CRYBG3: variants seen among roughly 807,000 people sequenced by gnomAD.
CRYBG3 encodes crystallin beta-gamma domain containing 3.
A neutral mutation model predicts 244.2 loss-of-function variants in CRYBG3; 127 were observed. That is an observed-to-expected ratio of 0.52 (90% confidence interval 0.45 to 0.60). The LOEUF is 0.60. Among genes scored for constraint, CRYBG3 ranks in the 20% least tolerant of loss-of-function variants. The pLI, the probability that CRYBG3 is intolerant of heterozygous loss-of-function variation, is 0.00. For synonymous variants in CRYBG3, 1,132 were observed against 1,195.8 expected (o/e 0.95, Z 1.10); for missense variants, 3,325 against 3,442.5 (o/e 0.97, Z 0.85).
At chr3:97,869,401 A>G (rs1268621310) in intron 3 of CRYBG3, among the ~76,000 whole-genome samples, 1 of 152,146 alleles carries the variant, frequency 6.6e-6, no homozygotes, top group Non-Finnish European at 1.5e-5. Context: ...TCCATATTGC[A>G]TGTAACAATA....
chr3:97,874,273 A>T lies in CRYBG3; in HGVS notation c.3079A>T (p.Ser1027Cys), dbSNP rs2108216083. ...AAATTCTTCTGCATCTGAGGACTCA[A>T]GCTTCCTTAAAGTACCTTCTGTGCT... ...EKNSSASEDS[S>C]FLKVPSVLKL... is the part of the protein sequence containing the mutation. Residue 1027 changes from serine to cysteine, a missense_variant, in exon 4 of 22, where the codon AGC (serine) becomes TGC (cysteine). Coordinates refer to ENST00000389622, the MANE Select transcript of CRYBG3 (RefSeq NM_153605.4). The T allele has an allele frequency of 1.3e-6, 2 of 1,534,884 alleles. No individual in the cohort carries two copies. The highest frequency in any genetic ancestry group is 1.7e-4 in the Middle Eastern group (1 of 5,984).
intron 19 of CRYBG3, among the ~76,000 whole-genome samples, chr3:97,939,144 TTGTC>T (rs2040198473): frequency 6.6e-6 from 1 of 151,994 alleles, no homozygotes. Context: ...TTGTTCAAGA[TTGTC>T]TGGTAAAGGA....
At chr3:97,867,565 T>G (rs955323222) in intron 3 of CRYBG3, among the ~76,000 whole-genome samples, 2 of 152,246 alleles carry the variant, frequency 1.3e-5, no homozygotes, top group Admixed American at 6.5e-5. Flanking sequence ...TGAGTAATTA[T>G]GTATTGGGCT....
At chr3:97,887,376 T>C (rs1461650273) in intron 8 of CRYBG3, among the ~76,000 whole-genome samples, 1 of 152,168 alleles carries the variant, frequency 6.6e-6, no homozygotes, top group Non-Finnish European at 1.5e-5. Context: ...ACTGTTTTTG[T>C]TTACTTTGAT....
chr3:97,897,968 C>G (rs2039658190), intron 12 of CRYBG3, among the ~76,000 whole-genome samples: 1 of 151,986 alleles, frequency 6.6e-6, no homozygotes, highest in Admixed American at 6.6e-5. Flanking sequence ...TGCCTGTAAT[C>G]CCAGCACTTT....
rs78192445 is a variant in CRYBG3 at position 97,876,178 on chromosome 3, C to A, written c.4984C>A (p.Pro1662Thr). 3.1e-3 allele frequency: 3,829 copies of A among 1,231,808 alleles called. 80 individuals are homozygous for A. The African/African-American group carries it at 0.051, about 16-fold the overall frequency. The allele number at this position is 1,231,808 out of a possible 1,614,324, so 76.3% of individuals were successfully genotyped here. A position where few individuals can be genotyped will look rare whatever the true frequency, so the allele number is the denominator to read the frequency against. The change falls in exon 4 of 22, where the codon CCT becomes ACT. Residue 1662 changes from proline to threonine, a missense_variant. Physicochemically the swap from Pro to Thr is conservative, Grantham distance 38. This residue lies in a region of CRYBG3 where 635 missense variants were observed against 771.7 expected (regional missense o/e 0.82). Coordinates refer to ENST00000389622, the MANE Select transcript of CRYBG3 (RefSeq NM_153605.4). ...GGATATTGTAAAGACTGAGATGACA[C>A]CTGTTACAGTAGACATGGAAAATAT... ...EGDIVKTEMTPVTVDMENIYQ... is the reference protein window; with the variant it reads ...EGDIVKTEMTTVTVDMENIYQ...
At chr3:97,822,457 C>CAG in intron 1 of CRYBG3, 102 bp downstream of exon 1, 1 of 1,136,572 alleles carries the variant, frequency 8.8e-7, no homozygotes, top group Non-Finnish European at 1.2e-6. Context: ...GGCCAGGCTG[C>CAG]AGTTCGCTCG....
At chr3:97,933,151 A>T in intron 17 of CRYBG3, 1 of 453,228 alleles carries the variant, frequency 2.2e-6, no homozygotes, top group Non-Finnish European at 4.4e-6. Flanking sequence ...CTTGTCTGAC[A>T]TGATGGGTTG....
intron 16 of CRYBG3, among the ~76,000 whole-genome samples, chr3:97,914,799 A>C (rs1391666): frequency 0.44 from 67,495 of 152,034 alleles, 16,202 homozygotes; most frequent in East Asian, 0.67. Flanking sequence ...CAGCATTTCT[A>C]CGGTTTTCCA....
Position 97,872,759 on chromosome 3 carries a change from T to C in CRYBG3, c.1565T>C (p.Val522Ala), listed in dbSNP as rs1283080228. ...TCTGCCCAAGACTCACAGAAAAATG[T>C]GGCTGTTAGAGAAATCAGGCGAGAA... The part of the protein sequence containing the change: ...RLSAQDSQKN[V>A]AVREIRRETE... Residue 522 changes from valine to alanine, a missense_variant, in exon 4 of 22, where the codon GTG becomes GCG. By Grantham distance (64) the Val-to-Ala change is moderately conservative. This residue lies in a region of CRYBG3 where 1,526 missense variants were observed against 1,443.2 expected (regional missense o/e 1.06). Transcript: ENST00000389622. The C allele has an allele frequency of 3.3e-6, 5 of 1,535,910 alleles. No individual in the cohort carries two copies. Among genetic ancestry groups the C allele is most frequent in the Admixed American group, 3.9e-5 (2 of 50,980 alleles).
chr3:97,836,057 A>G (rs2038728707), intron 1 of CRYBG3, among the ~76,000 whole-genome samples: 1 of 152,032 alleles, frequency 6.6e-6, no homozygotes, highest in Non-Finnish European at 1.5e-5. Flanking sequence ...ATTTAACTGT[A>G]ATTATGGGTC....
intron 1 of CRYBG3, among the ~76,000 whole-genome samples, chr3:97,838,493 C>G (rs911131745): frequency 6.6e-6 from 1 of 152,114 alleles, no homozygotes; most frequent in East Asian, 1.9e-4. Flanking sequence ...GGCCCCGTTC[C>G]AATTGGATTC....
chr3:97,890,997 AAAT>A (rs1431222182), intron 10 of CRYBG3, among the ~76,000 whole-genome samples: 4 of 152,200 alleles, frequency 2.6e-5, no homozygotes, highest in African/African-American at 9.6e-5. Flanking sequence ...CAATCTTTAG[AAAT>A]AATATTTTTC....
chr3:97,913,782 G>A (rs753262594), intron 16 of CRYBG3, among the ~76,000 whole-genome samples: 3 of 151,984 alleles, frequency 2.0e-5, no homozygotes, highest in Admixed American at 1.3e-4. Context: ...TAATACTTAC[G>A]TTTAGGATAT....
chr3:97,872,481 T>C lies in CRYBG3; in HGVS notation c.1287T>C (p.Pro429=). ...TLVQREELVE[P]QGPAISDFSC... ...TGCAAAGAGAGGAGCTTGTTGAGCC[T>C]CAGGGCCCTGCTATTTCTGATTTCT... The change falls in exon 4 of 22, where the codon CCT becomes CCC. Residue 429 remains proline (P), a synonymous_variant. Transcript: ENST00000389622. 6.5e-7 allele frequency: 1 copy of C among 1,536,014 alleles called. No homozygotes were observed. Among genetic ancestry groups the C allele is most frequent in the Non-Finnish European group, 8.7e-7 (1 of 1,146,822 alleles).
intron 17 of CRYBG3, among the ~76,000 whole-genome samples, chr3:97,930,394 G>T (rs781748902): frequency 6.6e-6 from 1 of 152,044 alleles, no homozygotes; most frequent in Non-Finnish European, 1.5e-5. Flanking sequence ...TTTATTGTCT[G>T]CTTACTTTCA....
chr3:97,915,526 T>C (rs2039919237), intron 16 of CRYBG3, 84 bp from the exon 17 acceptor site: 1 of 1,446,120 alleles, frequency 6.9e-7, no homozygotes, highest in East Asian at 2.3e-5. Flanking sequence ...GCCCTACCCC[T>C]ACCCCAATTC....
Position 97,858,697 on chromosome 3 carries a change from C to G in CRYBG3, c.217-5520C>G, listed in dbSNP as rs764262956. Among the ~76,000 whole-genome samples the G allele has an allele frequency of 2.6e-5, 4 of 152,184 alleles. No homozygotes were observed. The East Asian group carries it at 7.7e-4, about 29-fold the overall frequency. On this transcript the variant is annotated intron_variant, in intron 2 of 21. Transcript: ENST00000389622. Reference sequence around the variant, plus strand: ...ATGACACCTATCTTGTTGACTTTATCATTCATATCATAAATAGTTTTTCTT... The same window carrying G: ...ATGACACCTATCTTGTTGACTTTATGATTCATATCATAAATAGTTTTTCTT...
In CRYBG3 at chr3:97,873,430, C is replaced by G. The variant is rs1027642001; in HGVS notation, c.2236C>G (p.Pro746Ala). The G allele has an allele frequency of 6.5e-7, 1 of 1,535,058 alleles. No individual in the cohort carries two copies. Among genetic ancestry groups the G allele is most frequent in the Non-Finnish European group, 8.7e-7 (1 of 1,146,618 alleles). Residue 746 changes from proline to alanine, a missense_variant, in exon 4 of 22, where the codon CCA becomes GCA. Transcript: ENST00000389622. The part of the protein sequence containing the change: ...LSNSEKCQVL[P>A]GSEASGPHLT... ...TAATAGTGAAAAATGCCAGGTTCTT[C>G]CAGGTTCTGAAGCCAGTGGCCCTCA...
Sources: gnomAD v4.1 joint callset for allele counts (sites outside exome capture counted in the v4.1 genomes callset) on GRCh38, gnomAD v4.1.1 for gene constraint, gnomAD v4.1.1 regional missense constraint, MANE v1.5 for transcripts, NCBI Gene and HGNC (gene_info 2026-07-23, HGNC 2026-07-21) for gene names.